Variants in CWF19L2 observed in about 807,000 individuals in gnomAD.
CWF19L2 encodes the protein CWF19 like cell cycle control factor 2.
A neutral mutation model predicts 111.7 loss-of-function variants in CWF19L2; 98 were observed. The observed-to-expected ratio is 0.88, with a 90% CI of 0.75 to 1.04. The LOEUF (loss-of-function observed/expected upper bound fraction) is 1.04, where lower values mean the gene tolerates loss of function less well. CWF19L2 is among the 50% of genes least tolerant of loss of function. The pLI, the probability that CWF19L2 is intolerant of heterozygous loss-of-function variation, is 0.00. For missense variants in CWF19L2, 1,101 were observed against 1,051.4 expected (o/e 1.05, Z -0.65); for synonymous variants, 351 against 342.9 (o/e 1.02, Z -0.26).
intron 12 of CWF19L2, among the ~76,000 whole-genome samples, chr11:107,362,156 C>G (rs1449843310): frequency 6.6e-6 from 1 of 152,154 alleles, no homozygotes; most frequent in African/African-American, 2.4e-5. Context: ...TATCCCGCAC[C>G]TGGCTCGGAG....
chr11:107,430,330 T>C (rs1325310452), intron 7 of CWF19L2, among the ~76,000 whole-genome samples: 2 of 152,118 alleles, frequency 1.3e-5, no homozygotes, highest in African/African-American at 4.8e-5. Context: ...GACTTACAGC[T>C]GTTCATCCAT....
chr11:107,449,925 G>A (rs1194355318), intron 3 of CWF19L2, among the ~76,000 whole-genome samples: 2 of 152,060 alleles, frequency 1.3e-5, no homozygotes, highest in East Asian at 1.9e-4. Flanking sequence ...GTCGAATATA[G>A]TAGCCACATA....
At position 107,353,573 on chromosome 11, in the gene CWF19L2, A is replaced by G. The variant is rs774691772; in HGVS notation, c.2036T>C (p.Phe679Ser). 5 of 1,613,854 alleles carry G rather than the reference A, an allele frequency of 3.1e-6. No individual in the cohort carries two copies. Among genetic ancestry groups the G allele is most frequent in the Non-Finnish European group, 4.2e-6 (5 of 1,179,796 alleles). The change falls in exon 13 of 18, where the codon TTT becomes TCT. Residue 679 changes from phenylalanine (F) to serine (S), a missense_variant. By Grantham distance (155) the Phe-to-Ser change is radical. Transcript: ENST00000282251. ...ATGCTTGGGAAATTGAGAGCTGTCA[A>G]AACAATACAGACATTTTTCCATTTG... ...AAQMEKCLYC[F>S]DSSQFPKHLI...
At chr11:107,457,510 G>A (rs182998524) in intron 1 of CWF19L2, among the ~76,000 whole-genome samples, 1 of 152,284 alleles carries the variant, frequency 6.6e-6, no homozygotes, top group Non-Finnish European at 1.5e-5. Context: ...CCTGAAAAGA[G>A]AATTAGCAAC....
chr11:107,403,641 T>C, intron 10 of CWF19L2: 1 of 775,904 alleles, frequency 1.3e-6, no homozygotes, highest in Admixed American at 1.7e-5. Context: ...TCGTCTTTCT[T>C]CTCCTCACCT....
chr11:107,358,315 ACAC>A (rs1279670203), intron 12 of CWF19L2, among the ~76,000 whole-genome samples: 5 of 151,816 alleles, frequency 3.3e-5, no homozygotes, highest in African/African-American at 9.7e-5. Context: ...CACATAAAAT[ACAC>A]TAACACTACT....
chr11:107,353,745 C>A lies in CWF19L2; in HGVS notation c.1873-9G>T. The stretch of plus-strand genomic sequence containing the variant: ...TCTGTTTTTCCCATAAACTGAAAAA[C>A]CAAAATAACAGTAATAGAGAGTAGA... On this transcript the variant is annotated splice_polypyrimidine_tract_variant and intron_variant, in intron 12 of 17. Transcript: ENST00000282251. 1 of 1,610,040 alleles carries A rather than the reference C, an allele frequency of 6.2e-7. No homozygotes were observed. The highest frequency in any genetic ancestry group is 8.5e-7 in the Non-Finnish European group (1 of 1,176,666).
intron 10 of CWF19L2, among the ~76,000 whole-genome samples, chr11:107,402,873 G>GTGTGTGTGTGTATATATATATATA: frequency 1.1e-5 from 1 of 94,462 alleles, no homozygotes; most frequent in East Asian, 3.0e-4. Context: ...ACTGTGGTGT[G>GTGTGTGTGTGTATATATATATATA]TATATATATA....
chr11:107,378,851 AAAAG>A (rs143865821), intron 12 of CWF19L2, among the ~76,000 whole-genome samples: 35,535 of 151,836 alleles, frequency 0.23, 4,452 homozygotes, highest in Non-Finnish European at 0.29. Context: ...GTAACAAAAA[AAAAG>A]AAAGATAGCA....
intron 3 of CWF19L2, among the ~76,000 whole-genome samples, chr11:107,445,747 G>A (rs1044325861): frequency 2.6e-5 from 4 of 152,024 alleles, no homozygotes; most frequent in Non-Finnish European, 4.4e-5. Context: ...TACATTTAGA[G>A]TAATATAAAG....
chr11:107,429,127 A>G lies in CWF19L2; in HGVS notation c.1105T>C (p.Leu369=). 1 of 1,613,812 alleles carries G rather than the reference A, an allele frequency of 6.2e-7. No individual in the cohort carries two copies. The highest frequency in any genetic ancestry group is 8.5e-7 in the Non-Finnish European group (1 of 1,179,806). The change falls in exon 8 of 18, where the codon TTG becomes CTG. Residue 369 remains leucine, a synonymous_variant. Coordinates refer to ENST00000282251, the MANE Select transcript of CWF19L2 (RefSeq NM_152434.3). ...FSFGNLRAKF[L]RPSDDEELSF... Reference sequence around the variant, plus strand: ...AGTTCTTCATCATCAGAGGGTCTCAAGAATTTAGCTCTCAAATTGCCAAAA... The same window carrying G: ...AGTTCTTCATCATCAGAGGGTCTCAGGAATTTAGCTCTCAAATTGCCAAAA...
At chr11:107,415,639 C>G (rs1479075717) in intron 10 of CWF19L2, among the ~76,000 whole-genome samples, 5 of 152,180 alleles carry the variant, frequency 3.3e-5, no homozygotes, top group Non-Finnish European at 7.3e-5. Flanking sequence ...GTAAGCAGCA[C>G]AGTCCAGAAT....
At chr11:107,428,283 ATTTC>A (rs748407891) in intron 8 of CWF19L2, among the ~76,000 whole-genome samples, 1 of 152,138 alleles carries the variant, frequency 6.6e-6, no homozygotes, top group Middle Eastern at 3.4e-3. Context: ...AAAGTGGATT[ATTTC>A]TTTCTTTGTG....
chr11:107,449,701 A>G (rs1861751835), intron 3 of CWF19L2, among the ~76,000 whole-genome samples: 2 of 152,066 alleles, frequency 1.3e-5, no homozygotes, highest in Non-Finnish European at 1.5e-5. Context: ...TTAAAAATAA[A>G]TAAGGTATAC....
At chr11:107,417,766 T>A (rs1377006688) in intron 9 of CWF19L2, among the ~76,000 whole-genome samples, 1 of 152,046 alleles carries the variant, frequency 6.6e-6, no homozygotes, top group Non-Finnish European at 1.5e-5. Context: ...GAATTTTTTT[T>A]TTTTTTTTGA....
chr11:107,439,346 T>C (rs1450001100), intron 5 of CWF19L2, among the ~76,000 whole-genome samples, 163 bp from the exon 6 acceptor site: 2 of 152,234 alleles, frequency 1.3e-5, no homozygotes, highest in Admixed American at 6.5e-5. Context: ...AATGTCTAAA[T>C]TCACATTCAT....
At chr11:107,337,483 T>C (rs1284249912) in intron 14 of CWF19L2, among the ~76,000 whole-genome samples, 2 of 152,098 alleles carry the variant, frequency 1.3e-5, no homozygotes, top group Non-Finnish European at 2.9e-5. Context: ...GTCCAGGATG[T>C]CTGCATGCAT....
intron 12 of CWF19L2, among the ~76,000 whole-genome samples, chr11:107,389,054 ATTAAGT>A (rs1860811514): frequency 6.6e-6 from 1 of 152,220 alleles, no homozygotes; most frequent in Non-Finnish European, 1.5e-5. Flanking sequence ...CTTAGTTTTC[ATTAAGT>A]TTAATTTTTT....
intron 14 of CWF19L2, among the ~76,000 whole-genome samples, chr11:107,341,957 C>T (rs1024276848): frequency 5.3e-5 from 8 of 151,294 alleles, no homozygotes; most frequent in Admixed American, 2.0e-4. Flanking sequence ...CATTTTTTTT[C>T]CTTTGTTGGT....
Sources: allele counts gnomAD v4.1 joint callset (sites outside exome capture counted in the v4.1 genomes callset), GRCh38; gene constraint gnomAD v4.1.1; transcripts MANE v1.5; gene names NCBI Gene and HGNC (gene_info 2026-07-23, HGNC 2026-07-21).